CTNND2: variants seen among roughly 807,000 people sequenced by gnomAD.
The protein encoded by CTNND2 is catenin delta-2.
In CTNND2, 22 loss-of-function variants were observed where a neutral mutation model predicts 144.4. The ratio of observed to expected loss-of-function variants is 0.15; its 90% CI spans 0.11 to 0.22. CTNND2 has a LOEUF of 0.22. Ranked by LOEUF, CTNND2 falls within the 10% of genes least tolerant of loss-of-function variation. The pLI, the probability that CTNND2 is intolerant of heterozygous loss-of-function variation, is 1.00. For synonymous variants in CTNND2, 751 were observed against 695.6 expected (o/e 1.08, Z -1.25); for missense variants, 1,353 against 1,618.8 (o/e 0.84, Z 2.82).
At chr5:11,123,736 C>T (rs1754372649) in intron 12 of CTNND2, among the ~76,000 whole-genome samples, 1 of 152,230 alleles carries the variant, frequency 6.6e-6, no homozygotes, top group Admixed American at 6.5e-5. Context: ...CACTGGTCTC[C>T]AGCTGATGAG....
chr5:11,215,970 C>T (rs1739131089), intron 10 of CTNND2, among the ~76,000 whole-genome samples: 1 of 152,158 alleles, frequency 6.6e-6, no homozygotes, highest in South Asian at 2.1e-4. Flanking sequence ...AACATATAAT[C>T]GACACATTTG....
At position 11,397,092 on chromosome 5, in the gene CTNND2, G is replaced by A. The variant is rs774336806; in HGVS notation, c.551C>T (p.Thr184Ile). 2.5e-6 allele frequency: 4 copies of A among 1,614,010 alleles called. No homozygotes were observed. The highest frequency in any genetic ancestry group is 2.5e-6 in the Non-Finnish European group (3 of 1,180,052). ...GCCTCGGGCCGGGAGCTGTGAAGGGGTGGTTTCCCCCAGGGCCAGGGTCTG... is the reference window on the plus strand; with the variant it reads ...GCCTCGGGCCGGGAGCTGTGAAGGGATGGTTTCCCCCAGGGCCAGGGTCTG... ...SNQTLALGET[T>I]PSQLPARGTQ... The change falls in exon 6 of 22, where the codon ACC (threonine) becomes ATC (isoleucine). Residue 184 changes from threonine (T) to isoleucine (I), a missense_variant. Transcript: ENST00000304623.
At chr5:11,650,365 T>C (rs1324618004) in intron 2 of CTNND2, among the ~76,000 whole-genome samples, 1 of 152,204 alleles carries the variant, frequency 6.6e-6, no homozygotes, top group Non-Finnish European at 1.5e-5. Context: ...TAAACTTCTT[T>C]TCTTTATACA....
At chr5:11,650,022 GA>G (rs1782564536) in intron 2 of CTNND2, among the ~76,000 whole-genome samples, 1 of 152,252 alleles carries the variant, frequency 6.6e-6, no homozygotes, top group East Asian at 1.9e-4. Flanking sequence ...CTTGGTTCCA[GA>G]ACCCATGACT....
intron 16 of CTNND2, among the ~76,000 whole-genome samples, chr5:11,063,113 A>G (rs1265495345): frequency 6.6e-6 from 1 of 152,188 alleles, no homozygotes; most frequent in African/African-American, 2.4e-5. Flanking sequence ...AATGCATAAG[A>G]AGTTCAAAGA....
intron 1 of CTNND2, among the ~76,000 whole-genome samples, chr5:11,764,054 G>A (rs1270412309): frequency 2.0e-5 from 3 of 152,146 alleles, no homozygotes; most frequent in African/African-American, 7.2e-5. Flanking sequence ...TGGATTATCT[G>A]GTTGAGCCCA....
At chr5:11,085,473 T>C (rs977225727) in intron 15 of CTNND2, among the ~76,000 whole-genome samples, 2 of 152,188 alleles carry the variant, frequency 1.3e-5, no homozygotes, top group African/African-American at 4.8e-5. Flanking sequence ...TTCTCGCTTG[T>C]GTCAGGAAAG....
At chr5:11,809,830 GA>G (rs1181378615) in intron 1 of CTNND2, among the ~76,000 whole-genome samples, 4 of 152,202 alleles carry the variant, frequency 2.6e-5, no homozygotes, top group African/African-American at 9.6e-5. Context: ...GGGCATCTGA[GA>G]AGTCACTGCG....
intron 11 of CTNND2, among the ~76,000 whole-genome samples, chr5:11,164,501 GT>G (rs1189926559): frequency 6.6e-6 from 1 of 152,086 alleles, no homozygotes; most frequent in Non-Finnish European, 1.5e-5. Context: ...GCATGGTTCT[GT>G]TTGACGTGGA....
intron 3 of CTNND2, among the ~76,000 whole-genome samples, chr5:11,444,596 G>T (rs1035308092): frequency 6.6e-6 from 1 of 152,158 alleles, no homozygotes; most frequent in South Asian, 2.1e-4. Flanking sequence ...CAGCTACTTG[G>T]GAGGCTGAAG....
intron 10 of CTNND2, among the ~76,000 whole-genome samples, chr5:11,223,904 G>A (rs1053474718): frequency 1.3e-5 from 2 of 152,154 alleles, no homozygotes; most frequent in African/African-American, 4.8e-5. Flanking sequence ...AGGGTAGAGA[G>A]GTATACAATG....
In CTNND2 at chr5:11,192,404, C is replaced by T. The variant is rs563387616; in HGVS notation, c.1975+7044G>A. 5.9e-5 allele frequency among the ~76,000 whole-genome samples: 9 copies of T among 152,268 alleles called. No individual in the cohort carries two copies. In the South Asian group the frequency reaches 1.9e-3, roughly 32 times the overall value. On this transcript the variant is annotated intron_variant, in intron 11 of 21. Coordinates refer to ENST00000304623, the MANE Select transcript of CTNND2 (RefSeq NM_001332.4). The stretch of plus-strand genomic sequence containing the variant: ...CTCCAAAGGTGTCCACATTTGACTC[C>T]TCAGGACCTATGAATGGGCTCCTTT...
intron 3 of CTNND2, among the ~76,000 whole-genome samples, chr5:11,537,381 C>A (rs1260428230): frequency 6.6e-6 from 1 of 151,946 alleles, no homozygotes; most frequent in Non-Finnish European, 1.5e-5. Context: ...TTGAACTTAT[C>A]CTTTTTGTTA....
At chr5:11,628,233 T>A (rs1435844502) in intron 2 of CTNND2, among the ~76,000 whole-genome samples, 2 of 152,112 alleles carry the variant, frequency 1.3e-5, no homozygotes, top group Non-Finnish European at 2.9e-5. Context: ...GTCTTAATTT[T>A]AGATTAAAAT....
At chr5:11,662,442 A>G (rs1168303567) in intron 2 of CTNND2, among the ~76,000 whole-genome samples, 3 of 151,862 alleles carry the variant, frequency 2.0e-5, no homozygotes, top group Non-Finnish European at 2.9e-5. Flanking sequence ...GAGGGCAGGA[A>G]GTATCCAGCA....
At chr5:11,263,221 C>A (rs890800564) in intron 9 of CTNND2, among the ~76,000 whole-genome samples, 9 of 152,194 alleles carry the variant, frequency 5.9e-5, no homozygotes, top group African/African-American at 2.2e-4. Context: ...TTATTGCTGA[C>A]TTCTGAAACC....
At chr5:11,119,684 G>C (rs920820314) in intron 12 of CTNND2, among the ~76,000 whole-genome samples, 2 of 152,208 alleles carry the variant, frequency 1.3e-5, no homozygotes, top group Admixed American at 6.5e-5. Context: ...CAAAGATTCT[G>C]AATCAGACCT....
At chr5:11,657,786 T>C (rs909769105) in intron 2 of CTNND2, among the ~76,000 whole-genome samples, 7 of 152,104 alleles carry the variant, frequency 4.6e-5, no homozygotes, top group African/African-American at 1.7e-4. Context: ...CCTTTAAACT[T>C]AACCCCAAGT....
intron 1 of CTNND2, among the ~76,000 whole-genome samples, chr5:11,771,352 G>C (rs959973397): frequency 3.9e-5 from 6 of 152,022 alleles, no homozygotes; most frequent in Admixed American, 3.3e-4. Context: ...TTGAACTCCT[G>C]ACCTTGTGAT....
Sources: allele counts gnomAD v4.1 joint callset (sites outside exome capture counted in the v4.1 genomes callset), GRCh38; gene constraint gnomAD v4.1.1; transcripts MANE v1.5; gene names NCBI Gene and HGNC (gene_info 2026-07-23, HGNC 2026-07-21).